The following TKTL1 variants were observed in gnomAD, a reference collection of about 807,000 sequenced individuals.
TKTL1 encodes the protein transketolase like 1.
TKTL1 carries 1 observed loss-of-function variant against 39.3 expected under a neutral mutation model. That is an observed-to-expected ratio of 0.03 (90% CI 0.01 to 0.12). The LOEUF (loss-of-function observed/expected upper bound fraction) is 0.12. Ranked by LOEUF, TKTL1 falls within the 10% of genes least tolerant of loss-of-function variation. TKTL1 has a pLI of 1.00. For synonymous variants in TKTL1, 262 were observed against 193.8 expected (o/e 1.35, Z -2.92); for missense variants, 575 against 509.6 (o/e 1.13, Z -1.24).
intron 6 of TKTL1, among the ~76,000 whole-genome samples, chrX:154,313,891 G>A (rs2067376567): frequency 9.3e-6 from 1 of 107,489 alleles, no homozygotes. Flanking sequence ...CTATGATTGG[G>A]CCACTGCACT....
intron 7 of TKTL1, among the ~76,000 whole-genome samples, chrX:154,318,471 G>A (rs897687324): frequency 5.1e-4 from 54 of 106,894 alleles, no homozygotes; most frequent in Non-Finnish European, 8.9e-4. Flanking sequence ...AGGCCGAGGC[G>A]GACGGATCAC....
chrX:154,315,142 ACT>A (rs782547962), intron 6 of TKTL1, 29 bp from the exon 7 acceptor site: 32 of 1,186,166 alleles, frequency 2.7e-5, no homozygotes, highest in Non-Finnish European at 3.4e-5. Flanking sequence ...ATTTGAAGAA[ACT>A]CTACCACCTG....
chrX:154,317,055 C>T lies in TKTL1; in HGVS notation c.1029+1718C>T, dbSNP rs781963735. Among the ~76,000 whole-genome samples, 5 of 111,268 alleles carry T rather than the reference C, an allele frequency of 4.5e-5. No homozygotes were observed. In the South Asian group the frequency reaches 1.5e-3, roughly 34 times the overall value. ...AAAGTGCTGGGATTACAGGTGTGAG[C>T]CCCCGAGCCTGGCTCATTAAGCTGT... On this transcript the variant is annotated intron_variant, in intron 7 of 12. Coordinates refer to ENST00000369915, the MANE Select transcript of TKTL1 (RefSeq NM_012253.4).
chrX:154,299,524 T>A (rs1466250188), intron 1 of TKTL1, among the ~76,000 whole-genome samples: 5 of 110,887 alleles, frequency 4.5e-5, no homozygotes, highest in Non-Finnish European at 9.4e-5. Context: ...GAATAAATTC[T>A]ATATTGGTGA....
Position 154,317,877 on chromosome X carries a change from G to T in TKTL1, c.1029+2540G>T, listed in dbSNP as rs1182099203. Among the ~76,000 whole-genome samples, 4 of 110,449 alleles carry T rather than the reference G, an allele frequency of 3.6e-5. No individual in the cohort carries two copies. In the East Asian group the frequency reaches 1.1e-3, roughly 32 times the overall value. On this transcript the variant is annotated intron_variant, in intron 7 of 12. Coordinates refer to ENST00000369915, the MANE Select transcript of TKTL1 (RefSeq NM_012253.4). ...AAGACTGGGGGAGAAGTGGACTGGA[G>T]GGCACCATCAGGAGCTCTGTGTGGG...
chrX:154,301,755 CTTT>C (rs782331518), intron 1 of TKTL1, among the ~76,000 whole-genome samples: 2 of 90,509 alleles, frequency 2.2e-5, no homozygotes, highest in Non-Finnish European at 2.2e-5. Context: ...CATTTTCTTT[CTTT>C]TTTTTTTTTT....
chrX:154,325,528 T>C, intron 10 of TKTL1, 106 bp downstream of exon 10: 4 of 720,869 alleles, frequency 5.5e-6, no homozygotes, highest in Non-Finnish European at 8.3e-6. Context: ...ATCCTTTCTT[T>C]GCTCTCATTT....
chrX:154,325,543 A>G, intron 10 of TKTL1, 121 bp downstream of exon 10: 1 of 637,820 alleles, frequency 1.6e-6, no homozygotes, highest in Non-Finnish European at 2.4e-6. Context: ...TCATTTTTTT[A>G]AAAAACAGTT....
intron 2 of TKTL1, 78 bp downstream of exon 2, chrX:154,305,499 A>C: frequency 9.0e-7 from 1 of 1,107,487 alleles, no homozygotes; most frequent in Non-Finnish European, 1.2e-6. Context: ...TGTGGGAACA[A>C]GGCCTGAAAT....
chrX:154,328,343 C>T (rs2067509367), intron 12 of TKTL1, among the ~76,000 whole-genome samples: 1 of 108,420 alleles, frequency 9.2e-6, no homozygotes, highest in Non-Finnish European at 1.9e-5. Context: ...GCCAGAAGCT[C>T]AAGACCAGCC....
At chrX:154,325,603 C>G (rs2067488132) in intron 10 of TKTL1, among the ~76,000 whole-genome samples, 181 bp downstream of exon 10, 1 of 112,525 alleles carries the variant, frequency 8.9e-6, no homozygotes, top group Admixed American at 9.4e-5. Context: ...TGAATTTCAG[C>G]TTAGCCTGAA....
At chrX:154,315,865 C>T (rs1211101988) in intron 7 of TKTL1, among the ~76,000 whole-genome samples, 2 of 112,184 alleles carry the variant, frequency 1.8e-5, no homozygotes, top group African/African-American at 6.5e-5. Flanking sequence ...CTCAGTCTCT[C>T]CCCAGAGTGA....
chrX:154,318,707 CAAAAA>C (rs1208196360), intron 7 of TKTL1, among the ~76,000 whole-genome samples: 9 of 30,137 alleles, frequency 3.0e-4, no homozygotes, highest in Admixed American at 1.4e-3. Context: ...GCCTCCGTCT[CAAAAA>C]AAAAAAAAAA....
Position 154,321,165 on chromosome X carries a change from T to G in TKTL1, c.1186+252T>G, listed in dbSNP as rs782693393. On this transcript the variant is annotated intron_variant, in intron 8 of 12. Coordinates refer to ENST00000369915, the MANE Select transcript of TKTL1 (RefSeq NM_012253.4). ...CTTATCCCGAGTGCCCCTTGTGTGTTGAGCTGCGTGCAGGTTATGGACAGG... is the reference window on the plus strand; with the variant it reads ...CTTATCCCGAGTGCCCCTTGTGTGTGGAGCTGCGTGCAGGTTATGGACAGG... 9.0e-5 allele frequency among the ~76,000 whole-genome samples: 10 copies of G among 110,526 alleles called. No individual in the cohort carries two copies. The East Asian group carries it at 2.8e-3, about 31-fold the overall frequency.
rs782197097 is a variant in TKTL1, at chrX:154,325,426, A to G, written c.1401+4A>G. The G allele has an allele frequency of 8.4e-7, 1 of 1,197,008 alleles. No homozygotes were observed. Among genetic ancestry groups the G allele is most frequent in the South Asian group, 1.8e-5 (1 of 56,415 alleles). ...CTTTGAGATCGGACAGGCCAAGGTA[A>G]GGGCTTACGCGCTCCTGCGTTATTC... On this transcript the variant is annotated splice_donor_region_variant and intron_variant, in intron 10 of 12. Transcript: ENST00000369915.
chrX:154,323,990 A>T (rs782214595), intron 9 of TKTL1, among the ~76,000 whole-genome samples: 1 of 112,588 alleles, frequency 8.9e-6, no homozygotes, highest in Non-Finnish European at 1.9e-5. Context: ...GACCTCGCCC[A>T]TGCGCCACAC....
At chrX:154,302,567 C>T (rs782730044) in intron 1 of TKTL1, among the ~76,000 whole-genome samples, 1 of 111,419 alleles carries the variant, frequency 9.0e-6, no homozygotes, top group East Asian at 2.8e-4. Context: ...ACTCTCACAG[C>T]GTAATCACCT....
intron 1 of TKTL1, among the ~76,000 whole-genome samples, chrX:154,304,270 G>T (rs782600663): frequency 1.6e-4 from 18 of 111,422 alleles, no homozygotes; most frequent in African/African-American, 5.5e-4. Context: ...GTCCAGGACA[G>T]TGAGTGTGAA....
chrX:154,321,881 C>T (rs1328927753), intron 8 of TKTL1, among the ~76,000 whole-genome samples: 3 of 109,011 alleles, frequency 2.8e-5, no homozygotes, highest in Admixed American at 9.9e-5. Context: ...AGAGAGGAGG[C>T]GCGGCAGTGT....
Sources: gnomAD v4.1 joint callset for allele counts (sites outside exome capture counted in the v4.1 genomes callset) on GRCh38, gnomAD v4.1.1 for gene constraint, MANE v1.5 for transcripts, NCBI Gene and HGNC (gene_info 2026-07-23, HGNC 2026-07-21) for gene names.